Variants in SNX2 observed in about 807,000 individuals in gnomAD.
SNX2 encodes the protein sorting nexin-2.
Under a neutral mutation model 69.9 loss-of-function variants are expected in SNX2, and 25 were observed. The observed-to-expected ratio is 0.36, with a 90% CI of 0.26 to 0.50. SNX2 has a LOEUF of 0.50. SNX2 is among the 20% of genes least tolerant of loss of function. The probability of loss-of-function intolerance (pLI) is 0.97; values close to 1 mark genes in which losing one functional copy is unlikely to be tolerated. For synonymous variants in SNX2, 229 were observed against 200.4 expected (o/e 1.14, Z -1.20); for missense variants, 551 against 613.3 (o/e 0.90, Z 1.07).
In SNX2 at chr5:122,829,705, C is replaced by A; in HGVS notation, c.*57C>A. The stretch of plus-strand genomic sequence containing the variant: ...GATGTTGTTCCAGTTATGCTGGATT[C>A]CACAGTGAAATCATTTAAAACCATC... On this transcript the variant is annotated 3_prime_UTR_variant, in exon 15 of 15. Transcript: ENST00000379516. 1 of 1,403,872 alleles carries A rather than the reference C, an allele frequency of 7.1e-7. No homozygotes were observed. The highest frequency in any genetic ancestry group is 1.2e-5 in the South Asian group (1 of 86,456). 87.0% of individuals were successfully genotyped at this position (1,403,872 alleles called of 1,614,324 possible).
Position 122,799,738 on chromosome 5 carries a change from C to A in SNX2, c.273C>A (p.Ile91=), listed in dbSNP as rs748573672. Residue 91 remains isoleucine, a synonymous_variant, in exon 3 of 15, where the codon ATC becomes ATA. Coordinates refer to ENST00000379516, the MANE Select transcript of SNX2 (RefSeq NM_003100.4). ...TGGACAGCCCTGAAAGGGAACCTAT[C>A]CTATCCTCGGAACCTTCTCCTGCAG... The part of the protein sequence containing the change: ...VSLDSPEREP[I]LSSEPSPAVT... 4.3e-6 allele frequency: 7 copies of A among 1,613,692 alleles called. No homozygotes were observed. In the African/African-American group the frequency reaches 8.0e-5, roughly 18 times the overall value.
intron 1 of SNX2, among the ~76,000 whole-genome samples, chr5:122,793,468 A>G (rs1184863587): frequency 1.3e-5 from 2 of 152,210 alleles, no homozygotes; most frequent in Non-Finnish European, 1.5e-5. Context: ...GGGAGGGAGC[A>G]TAAGTGGAAC....
chr5:122,805,916 G>A (rs984600370), intron 6 of SNX2, among the ~76,000 whole-genome samples: 2 of 151,958 alleles, frequency 1.3e-5, no homozygotes, highest in Non-Finnish European at 2.9e-5. Flanking sequence ...GAGTAGCTGG[G>A]ACTACAGGCG....
In SNX2 at chr5:122,831,795, T is replaced by C. The variant is rs1754296325; in HGVS notation, c.*2147T>C. ...TCAAGTTATTATTAAAATCTTCCAT[T>C]CAGATGTGGTACATTAGAATATTCA... On this transcript the variant is annotated 3_prime_UTR_variant, in exon 15 of 15. Transcript: ENST00000379516. 6.6e-6 allele frequency among the ~76,000 whole-genome samples: 1 copy of C among 152,172 alleles called. No homozygotes were observed. The highest frequency in any genetic ancestry group is 6.5e-5 in the Admixed American group (1 of 15,274).
chr5:122,798,246 A>AT (rs1441398278), intron 2 of SNX2, among the ~76,000 whole-genome samples: 4 of 152,144 alleles, frequency 2.6e-5, no homozygotes, highest in Admixed American at 6.5e-5. Context: ...CACAGCCTGA[A>AT]TTGCATATAA....
At chr5:122,801,652 C>CAT (rs113836294) in intron 3 of SNX2, among the ~76,000 whole-genome samples, 1 of 132,056 alleles carries the variant, frequency 7.6e-6, no homozygotes, top group Non-Finnish European at 1.6e-5. Flanking sequence ...TGGTCTTTTT[C>CAT]GTGTGTGTGT....
chr5:122,807,989 A>G (rs935840464), intron 6 of SNX2, among the ~76,000 whole-genome samples: 5 of 152,214 alleles, frequency 3.3e-5, no homozygotes, highest in Admixed American at 6.5e-5. Flanking sequence ...ACAACAGATA[A>G]GGGATCTTTT....
intron 11 of SNX2, among the ~76,000 whole-genome samples, chr5:122,824,626 C>T (rs977102861): frequency 6.6e-5 from 10 of 152,138 alleles, no homozygotes; most frequent in Non-Finnish European, 1.0e-4. Flanking sequence ...AAAATGTTCA[C>T]GATCCTTAAG....
At chr5:122,822,445 A>G (rs1754045609) in intron 11 of SNX2, among the ~76,000 whole-genome samples, 2 of 152,128 alleles carry the variant, frequency 1.3e-5, no homozygotes, top group African/African-American at 4.8e-5. Context: ...TTTGGTTATT[A>G]TCTATTTCGA....
At chr5:122,816,892 C>G in intron 8 of SNX2, 23 bp from the exon 9 acceptor site, 1 of 1,484,728 alleles carries the variant, frequency 6.7e-7, no homozygotes, top group South Asian at 1.2e-5. Context: ...GTTTGTTTGC[C>G]CTTATTTGTC....
At chr5:122,813,767 CT>C (rs546503535) in intron 7 of SNX2, among the ~76,000 whole-genome samples, 1,614 of 115,376 alleles carry the variant, frequency 0.014, 9 homozygotes, top group East Asian at 0.037. Context: ...AGAATATTTC[CT>C]TTTTTTTTTT....
chr5:122,778,927 G>A (rs1040439533), intron 1 of SNX2, among the ~76,000 whole-genome samples: 7 of 152,284 alleles, frequency 4.6e-5, no homozygotes, highest in African/African-American at 9.6e-5. Context: ...AGACAGAGAA[G>A]GGAATGAGAA....
At chr5:122,782,223 AT>A (rs1368829686) in intron 1 of SNX2, among the ~76,000 whole-genome samples, 1 of 151,780 alleles carries the variant, frequency 6.6e-6, no homozygotes, top group Non-Finnish European at 1.5e-5. Context: ...GTCCTTTTAC[AT>A]CTTTTGCTTA....
intron 1 of SNX2, among the ~76,000 whole-genome samples, chr5:122,785,024 T>A (rs767825416): frequency 3.9e-5 from 6 of 152,222 alleles, no homozygotes; most frequent in Admixed American, 6.5e-5. Context: ...CTTATCATCC[T>A]GTTAACATGT....
chr5:122,782,962 G>C (rs758737720), intron 1 of SNX2, among the ~76,000 whole-genome samples: 1 of 151,208 alleles, frequency 6.6e-6, no homozygotes, highest in Non-Finnish European at 1.5e-5. Flanking sequence ...TGTTGAGATG[G>C]AGTCTCGCTC....
rs182878108 is a variant in SNX2 at position 122,782,878 on chromosome 5, T to A, written c.108+7667T>A. ...AATATTGAATTTTGAGAATTATTTA[T>A]GTTGTGAATATTTTTTTTCCCAGTC... On this transcript the variant is annotated intron_variant, in intron 1 of 14. Coordinates refer to ENST00000379516, the MANE Select transcript of SNX2 (RefSeq NM_003100.4). Among the ~76,000 whole-genome samples, 8 of 152,268 alleles carry A rather than the reference T, an allele frequency of 5.3e-5. No individual in the cohort carries two copies. In the East Asian group the frequency reaches 1.5e-3, roughly 29 times the overall value.
intron 1 of SNX2, among the ~76,000 whole-genome samples, chr5:122,778,153 T>C (rs1039919478): frequency 1.3e-5 from 2 of 152,230 alleles, no homozygotes; most frequent in African/African-American, 4.8e-5. Flanking sequence ...TGACAGGATT[T>C]CATTCCTTTT....
At chr5:122,828,325 T>C (rs936830547) in intron 14 of SNX2, among the ~76,000 whole-genome samples, 1 of 152,144 alleles carries the variant, frequency 6.6e-6, no homozygotes, top group Admixed American at 6.5e-5. Flanking sequence ...GTCTTCAAAT[T>C]GTGTTTAATT....
In SNX2 at chr5:122,832,173, T is replaced by C. The variant is rs1754306552; in HGVS notation, c.*2525T>C. Among the ~76,000 whole-genome samples, 1 of 152,070 alleles carries C rather than the reference T, an allele frequency of 6.6e-6. No homozygotes were observed. Among genetic ancestry groups the C allele is most frequent in the Non-Finnish European group, 1.5e-5 (1 of 68,020 alleles). On this transcript the variant is annotated 3_prime_UTR_variant, in exon 15 of 15. Coordinates refer to ENST00000379516, the MANE Select transcript of SNX2 (RefSeq NM_003100.4). Reference sequence around the variant, plus strand: ...TAAAGACCAAGGCAGCAAAATATTGTGAAACAAGCTGAACTTGGGATCAGC... The same window carrying C: ...TAAAGACCAAGGCAGCAAAATATTGCGAAACAAGCTGAACTTGGGATCAGC...
Sources: allele counts gnomAD v4.1 joint callset (sites outside exome capture counted in the v4.1 genomes callset), GRCh38; gene constraint gnomAD v4.1.1; transcripts MANE v1.5; gene names NCBI Gene and HGNC (gene_info 2026-07-23, HGNC 2026-07-21).